ETV7: variants seen among roughly 807,000 people sequenced by gnomAD.
The protein encoded by ETV7 is transcription factor ETV7.
ETV7 carries 43 observed loss-of-function variants against 39.1 expected under a neutral mutation model. The ratio of observed to expected loss-of-function variants is 1.10; its 90% CI spans 0.86 to 1.42. The LOEUF is 1.42. Ranked by LOEUF, ETV7 falls within the 40% of genes most tolerant of loss-of-function variation. ETV7 has a pLI of 0.00. For synonymous variants in ETV7, 196 were observed against 176.6 expected, an observed-to-expected ratio of 1.11 and a Z score of -0.87; for missense variants, 432 against 442.3, an observed-to-expected ratio of 0.98 and a Z score of 0.21.
intron 2 of ETV7, among the ~76,000 whole-genome samples, chr6:36,384,558 C>T (rs934766539): frequency 6.6e-6 from 1 of 152,110 alleles, no homozygotes; most frequent in African/African-American, 2.4e-5. Flanking sequence ...GTGTTTGAAC[C>T]TCACTATTAG....
intron 2 of ETV7, among the ~76,000 whole-genome samples, chr6:36,384,347 T>C (rs1338654299): frequency 3.9e-5 from 6 of 152,206 alleles, no homozygotes; most frequent in Non-Finnish European, 5.9e-5. Flanking sequence ...CCTAGAAGTG[T>C]GCAGGAAGAT....
At position 36,366,318 on chromosome 6, in the gene ETV7, T is replaced by G. The variant is rs1772713265; in HGVS notation, c.*327A>C. ...GAAATCTGAGGCTCAGTGAGGGACT[T>G]CATTCCCTTCATCTGGTAAATTCCA... On this transcript the variant is annotated 3_prime_UTR_variant, in exon 8 of 8. Transcript: ENST00000340181. 2 of 1,133,168 alleles carry G rather than the reference T, an allele frequency of 1.8e-6. No homozygotes were observed. Among genetic ancestry groups the G allele is most frequent in the Non-Finnish European group, 2.2e-6 (2 of 921,022 alleles). 70.2% of individuals were successfully genotyped at this position (1,133,168 alleles called of 1,614,324 possible). A position where few individuals can be genotyped will look rare whatever the true frequency, so the allele number is the denominator to read the frequency against.
intron 6 of ETV7, among the ~76,000 whole-genome samples, chr6:36,368,402 T>C (rs1772831816): frequency 6.6e-6 from 1 of 152,250 alleles, no homozygotes; most frequent in South Asian, 2.1e-4. Flanking sequence ...CTGCTGTAAA[T>C]CATGAGATGG....
chr6:36,371,395 C>T lies in ETV7; in HGVS notation c.599G>A (p.Cys200Tyr), dbSNP rs555684593. 6 of 1,602,516 alleles carry T rather than the reference C, an allele frequency of 3.7e-6. No individual in the cohort carries two copies. The highest frequency in any genetic ancestry group is 5.1e-6 in the Non-Finnish European group (6 of 1,173,794). The change falls in exon 5 of 8, where the codon TGC becomes TAC. Residue 200 changes from cysteine (C) to tyrosine (Y), a missense_variant. Transcript: ENST00000340181. The stretch of plus-strand genomic sequence containing the variant: ...GAAGGAACAGACCCCCTGGGTCCTG[C>T]AGCCGAGCTCTGCACAGTGACATAA... ...LNLCHCAELG[C>Y]RTQGVCSFPA...
At chr6:36,385,816 A>G in intron 1 of ETV7, 147 bp from the exon 2 acceptor site, 3 of 795,032 alleles carry the variant, frequency 3.8e-6, no homozygotes, top group Non-Finnish European at 5.8e-6. Context: ...GGAACCATGT[A>G]TATCTTCAAC....
chr6:36,362,684 GA>G (rs1255974614), downstream of ETV7, among the ~76,000 whole-genome samples: 2 of 152,222 alleles, frequency 1.3e-5, no homozygotes, highest in African/African-American at 2.4e-5. Flanking sequence ...TCTCCCTGGG[GA>G]GATGGAGAAA....
At chr6:36,387,034 G>T (rs1439037187) in intron 1 of ETV7, 2 of 187,436 alleles carry the variant, frequency 1.1e-5, no homozygotes, top group Non-Finnish European at 2.3e-5. Flanking sequence ...GCCAGGGAAG[G>T]GTCTGATAAT....
At chr6:36,367,435 T>G (rs553557864) in intron 6 of ETV7, among the ~76,000 whole-genome samples, 6 of 150,492 alleles carry the variant, frequency 4.0e-5, no homozygotes, top group Non-Finnish European at 7.4e-5. Context: ...AGATTGAGAC[T>G]CCATTACAAA....
At chr6:36,358,901 G>A (rs905429873) in intron 7 of ETV7, among the ~76,000 whole-genome samples, 8 of 152,144 alleles carry the variant, frequency 5.3e-5, no homozygotes, top group Admixed American at 3.3e-4. Context: ...ACAATACACC[G>A]TGCTTCCTTG....
At chr6:36,368,037 T>A (rs548023087) in intron 6 of ETV7, among the ~76,000 whole-genome samples, 1 of 152,298 alleles carries the variant, frequency 6.6e-6, no homozygotes, top group East Asian at 1.9e-4. Flanking sequence ...GTCATCTGCA[T>A]CCTTCCAGCC....
chr6:36,385,482 A>T (rs1251382185), intron 2 of ETV7, 52 bp downstream of exon 2: 1 of 1,611,464 alleles, frequency 6.2e-7, no homozygotes, highest in Non-Finnish European at 8.5e-7. Flanking sequence ...GATCTAAAAC[A>T]AAATAAAAAT....
intron 3 of ETV7, 92 bp from the exon 4 acceptor site, chr6:36,373,670 G>A (rs547986428): frequency 2.2e-6 from 3 of 1,393,684 alleles, no homozygotes; most frequent in East Asian, 3.0e-5. Flanking sequence ...CTCAGGGCAA[G>A]GGCTGGCATG....
At chr6:36,364,522 C>A (rs890654295), downstream of ETV7, among the ~76,000 whole-genome samples, 2 of 152,226 alleles carry the variant, frequency 1.3e-5, no homozygotes, top group African/African-American at 4.8e-5. Flanking sequence ...CCGGCTGCTC[C>A]GAGTGCGGGA....
intron 3 of ETV7, among the ~76,000 whole-genome samples, chr6:36,375,097 T>C (rs184517458): frequency 3.8e-4 from 56 of 149,242 alleles, no homozygotes; most frequent in African/African-American, 1.3e-3. Flanking sequence ...ACTTGGGATG[T>C]GACATGAGAC....
chr6:36,364,222 G>A (rs879560515), downstream of ETV7, among the ~76,000 whole-genome samples: 5 of 152,254 alleles, frequency 3.3e-5, no homozygotes, highest in Non-Finnish European at 7.3e-5. Context: ...GTCCGGCGCC[G>A]TGAGCCCGCA....
chr6:36,366,688 T>G lies in ETV7; in HGVS notation c.983A>C (p.Asp328Ala), dbSNP rs1361235444. ...HLEPLESQEQ[D>A]RIEFKDKRPE... The stretch of plus-strand genomic sequence containing the variant: ...CCTCTTGTCCTTGAACTCTATTCTG[T>G]CCTGCTCCTGGCTCTCCAGCGGCTC... Residue 328 changes from aspartate (D) to alanine (A), a missense_variant, in exon 8 of 8, where the codon GAC (aspartate) becomes GCC (alanine). Coordinates refer to ENST00000340181, the MANE Select transcript of ETV7 (RefSeq NM_016135.4). The G allele has an allele frequency of 6.2e-7, 1 of 1,614,176 alleles. No individual in the cohort carries two copies. The highest frequency in any genetic ancestry group is 1.1e-5 in the South Asian group (1 of 91,084).
In ETV7 at chr6:36,366,368, C is replaced by T. The variant is rs1311200107; in HGVS notation, c.*277G>A. On this transcript the variant is annotated 3_prime_UTR_variant, in exon 8 of 8. Coordinates refer to ENST00000340181, the MANE Select transcript of ETV7 (RefSeq NM_016135.4). ...ATTTACAGGGGTGGGGCTGGGTGCT[C>T]TATCGGTGCCTGGCTTCCTCTCCCA... The T allele has an allele frequency of 1.6e-6, 2 of 1,257,802 alleles. No individual in the cohort carries two copies. The highest frequency in any genetic ancestry group is 1.5e-5 in the African/African-American group (1 of 66,730). The allele number at this position is 1,257,802 out of a possible 1,614,324, so 77.9% of individuals were successfully genotyped here.
chr6:36,354,656 A>C, exon 8 of ETV7: 2 of 698,630 alleles, frequency 2.9e-6, no homozygotes, highest in Non-Finnish European at 5.2e-6. Flanking sequence ...TGGAAACTCC[A>C]TATGAATATG....
chr6:36,387,646 C>G lies in ETV7; in HGVS notation c.-105G>C. The G allele has an allele frequency of 3.0e-6, 4 of 1,312,570 alleles. No homozygotes were observed. The highest frequency in any genetic ancestry group is 4.3e-6 in the Non-Finnish European group (4 of 925,490). 81.3% of individuals were successfully genotyped at this position (1,312,570 alleles called of 1,614,324 possible). ...GCCCCGCAGTCCTCCTCCGCCAAAC[C>G]CCTAACCTGGCTCCGAGAACTGGAA... On this transcript the variant is annotated 5_prime_UTR_variant, in exon 1 of 8. Coordinates refer to ENST00000340181, the MANE Select transcript of ETV7 (RefSeq NM_016135.4).
Sources: gnomAD v4.1 joint callset for allele counts (sites outside exome capture counted in the v4.1 genomes callset) on GRCh38, gnomAD v4.1.1 for gene constraint, MANE v1.5 for transcripts, NCBI Gene and HGNC (gene_info 2026-07-23, HGNC 2026-07-21) for gene names.